MYOC: variants seen among roughly 807,000 people sequenced by gnomAD.
The protein encoded by MYOC is juvenile-onset open-angle glaucoma 1.
A neutral mutation model predicts 28.2 loss-of-function variants in MYOC; 29 were observed. The observed-to-expected ratio is 1.03, with a 90% CI of 0.77 to 1.40. The LOEUF is 1.40. Among genes scored for constraint, MYOC ranks in the 40% most tolerant of loss-of-function variants. The pLI, the probability that MYOC is intolerant of heterozygous loss-of-function variation, is 0.00. For synonymous variants in MYOC, 240 were observed against 245.6 expected (o/e 0.98, Z 0.21); for missense variants, 569 against 620.6 (o/e 0.92, Z 0.88).
At position 171,651,790 on chromosome 1, in the gene MYOC, C is replaced by A. The variant is rs915072080; in HGVS notation, c.604+218G>T. Among the ~76,000 whole-genome samples the A allele has an allele frequency of 2.5e-4, 38 of 152,300 alleles. 1 individual carries two copies. Among genetic ancestry groups the A allele is most frequent in the Admixed American group, 2.4e-3 (37 of 15,300 alleles). On this transcript the variant is annotated intron_variant, in intron 1 of 2. Transcript: ENST00000037502. ...CTGTGAAAACTGACATGGAGGGGCA[C>A]AAGAACTCTGAACCACTAATCTAAA...
rs769391878 is a variant in MYOC, at chr1:171,652,622, TG to T, written c.-12del. 6.2e-7 allele frequency: 1 copy of T among 1,613,902 alleles called. No homozygotes were observed. Among genetic ancestry groups the T allele is most frequent in the South Asian group, 1.1e-5 (1 of 91,066 alleles). ...ACAGAAGAACCTCATTGCAGAGGCT[TG>T]GTGAGGCTTCCTCTGGAAAGCTCTG... On this transcript the variant is annotated 5_prime_UTR_variant, in exon 1 of 3. Coordinates refer to ENST00000037502, the MANE Select transcript of MYOC (RefSeq NM_000261.2).
intron 1 of MYOC, among the ~76,000 whole-genome samples, chr1:171,643,968 CAAAAAAAAAAA>C (rs145167337): frequency 4.5e-5 from 4 of 89,448 alleles, no homozygotes; most frequent in Admixed American, 1.3e-4. Flanking sequence ...GACTCTGTCT[CAAAAAAAAAAA>C]AAAAAAAAAA....
intron 1 of MYOC, among the ~76,000 whole-genome samples, chr1:171,640,025 G>A (rs1027440632): frequency 3.4e-5 from 5 of 148,052 alleles, no homozygotes; most frequent in Non-Finnish European, 7.4e-5. Context: ...CAAGACAGGA[G>A]GAGTACTTGA....
intron 1 of MYOC, 46 bp from the exon 2 acceptor site, chr1:171,638,768 C>G (rs758030081): frequency 6.2e-7 from 1 of 1,608,040 alleles, no homozygotes. Context: ...GAAAAAATGG[C>G]CCAAGGATTG....
Position 171,652,382 on chromosome 1 carries a change from T to C in MYOC, c.230A>G (p.Asp77Gly). Residue 77 changes from aspartate (D) to glycine (G), a missense_variant, in exon 1 of 3, where the codon GAC (aspartate) becomes GGC (glycine). Asp to Gly is a moderately conservative substitution (Grantham distance 94, BLOSUM62 -1). Transcript: ENST00000037502. ...CAGGTCTAAGCGTTGGGTGCTGCTGTCTCTCTGTAAGTTATGGATGACTGA... is the reference window on the plus strand; with the variant it reads ...CAGGTCTAAGCGTTGGGTGCTGCTGCCTCTCTGTAAGTTATGGATGACTGA... Reference protein sequence around the residue: ...AMSVIHNLQRDSSTQRLDLEA... With the variant: ...AMSVIHNLQRGSSTQRLDLEA... 6.2e-7 allele frequency: 1 copy of C among 1,613,072 alleles called. No individual in the cohort carries two copies. The highest frequency in any genetic ancestry group is 2.2e-5 in the East Asian group (1 of 44,844).
chr1:171,647,854 G>C (rs1308040511), intron 1 of MYOC, among the ~76,000 whole-genome samples: 9 of 152,070 alleles, frequency 5.9e-5, no homozygotes, highest in Non-Finnish European at 1.5e-5. Flanking sequence ...CAGCCACCGT[G>C]GCCCAGCTTC....
intron 1 of MYOC, among the ~76,000 whole-genome samples, chr1:171,641,172 C>T (rs545424641): frequency 7.3e-5 from 11 of 150,948 alleles, no homozygotes; most frequent in Admixed American, 1.3e-4. Context: ...ACTGTTTGTA[C>T]TTTTCTCTCA....
chr1:171,648,048 G>C (rs1280891411), intron 1 of MYOC, among the ~76,000 whole-genome samples: 1 of 151,964 alleles, frequency 6.6e-6, no homozygotes, highest in Non-Finnish European at 1.5e-5. Context: ...AGTTAGCTGG[G>C]CGTGGTAGTG....
chr1:171,638,929 G>A, intron 1 of MYOC: 1 of 467,208 alleles, frequency 2.1e-6, no homozygotes, highest in Non-Finnish European at 3.9e-6. Context: ...CCCTGTCTTT[G>A]CTAAAAACAC....
intron 1 of MYOC, among the ~76,000 whole-genome samples, chr1:171,642,713 G>T (rs1378268780): frequency 6.6e-6 from 1 of 151,944 alleles, no homozygotes; most frequent in Non-Finnish European, 1.5e-5. Context: ...GGGCAATTGG[G>T]AGTACCCCCC....
intron 1 of MYOC, among the ~76,000 whole-genome samples, chr1:171,640,588 A>G (rs1653053280): frequency 6.6e-6 from 1 of 152,132 alleles, no homozygotes; most frequent in Non-Finnish European, 1.5e-5. Context: ...ACAAAAAGTT[A>G]GCCTGGGTGG....
At chr1:171,637,991 C>T (rs1419440686) in intron 2 of MYOC, among the ~76,000 whole-genome samples, 1 of 152,148 alleles carries the variant, frequency 6.6e-6, no homozygotes, top group Non-Finnish European at 1.5e-5. Context: ...TCTTAGAGAA[C>T]CGTGTTTTAA....
intron 1 of MYOC, among the ~76,000 whole-genome samples, chr1:171,645,691 T>G (rs1653184465): frequency 1.3e-5 from 2 of 152,356 alleles, no homozygotes; most frequent in East Asian, 3.9e-4. Flanking sequence ...GCTCAGCACT[T>G]TGTGGGGTGA....
At chr1:171,648,895 C>T (rs989663376) in intron 1 of MYOC, among the ~76,000 whole-genome samples, 4 of 150,724 alleles carry the variant, frequency 2.7e-5, no homozygotes, top group Non-Finnish European at 5.9e-5. Flanking sequence ...CCACAGTGGC[C>T]AGGCTGGTCT....
intron 1 of MYOC, among the ~76,000 whole-genome samples, chr1:171,644,247 G>T (rs1269986108): frequency 6.6e-6 from 1 of 151,680 alleles, no homozygotes; most frequent in African/African-American, 2.4e-5. Context: ...GTGACAGATC[G>T]TTAACATTTT....
rs142862396 is a variant in MYOC, at chr1:171,647,609, G to A, written c.604+4399C>T. On this transcript the variant is annotated intron_variant, in intron 1 of 2. Transcript: ENST00000037502. ...CTAGTTATATTTTATTCACTGGGTG[G>A]CCACTGCTCAGCGCTGCACTGGGTG... is the stretch of plus-strand genomic sequence containing the variant. Among the ~76,000 whole-genome samples the A allele has an allele frequency of 3.0e-3, 454 of 152,286 alleles. 1 individual carries two copies. The highest frequency in any genetic ancestry group is 0.011 in the African/African-American group (441 of 41,554).
intron 2 of MYOC, among the ~76,000 whole-genome samples, chr1:171,638,066 A>T (rs746256075): frequency 6.6e-6 from 1 of 152,202 alleles, no homozygotes; most frequent in Non-Finnish European, 1.5e-5. Context: ...AATAACATGG[A>T]TAGTCAAAGT....
intron 1 of MYOC, among the ~76,000 whole-genome samples, chr1:171,642,907 A>G (rs2102947423): frequency 6.7e-6 from 1 of 149,540 alleles, no homozygotes; most frequent in Admixed American, 6.6e-5. Context: ...AAAAAAAAAG[A>G]CACAATCAGT....
rs368373229 is a variant in MYOC at position 171,652,062 on chromosome 1, G to C, written c.550C>G (p.Gln184Glu). Reference sequence around the variant, plus strand: ...GCAGTGTCTCGGGTCTGGGGACACTGGCCCCTTCTCAGCCTTGCTACCTCC... The same window carrying C: ...GCAGTGTCTCGGGTCTGGGGACACTCGCCCCTTCTCAGCCTTGCTACCTCC... ...SQEVARLRRG[Q>E]CPQTRDTARA... The change falls in exon 1 of 3, where the codon CAG becomes GAG. Residue 184 changes from glutamine (Q) to glutamate (E), a missense_variant. By Grantham distance (29) the Gln-to-Glu change is conservative. Transcript: ENST00000037502. The C allele has an allele frequency of 1.9e-6, 3 of 1,614,070 alleles. No individual in the cohort carries two copies. The highest frequency in any genetic ancestry group is 2.5e-6 in the Non-Finnish European group (3 of 1,180,046).
Sources: gnomAD v4.1 joint callset for allele counts (sites outside exome capture counted in the v4.1 genomes callset) on GRCh38, gnomAD v4.1.1 for gene constraint, MANE v1.5 for transcripts, NCBI Gene and HGNC (gene_info 2026-07-23, HGNC 2026-07-21) for gene names.